The following MGAT4C variants were observed in gnomAD, a reference collection of about 807,000 sequenced individuals.
The protein encoded by MGAT4C is MGAT4 family member C, also known as alpha-1,3-mannosyl-glycoprotein 4-beta-N-acetylglucosaminyltransferase C.
MGAT4C carries 19 observed loss-of-function variants against 40.1 expected under a neutral mutation model. The observed-to-expected ratio is 0.47, with a 90% CI of 0.33 to 0.70. The LOEUF (loss-of-function observed/expected upper bound fraction) is 0.70. MGAT4C is among the 30% of genes least tolerant of loss of function. MGAT4C has a pLI of 0.02. For missense variants in MGAT4C, 491 were observed against 563.2 expected, an observed-to-expected ratio of 0.87 and a Z score of 1.30; for synonymous variants, 181 against 187.1, an observed-to-expected ratio of 0.97 and a Z score of 0.27.
At chr12:86,745,063 T>C (rs1951131647) in intron 1 of MGAT4C, 1 of 151,450 alleles carries the variant, frequency 6.6e-6, no homozygotes, top group Non-Finnish European at 1.5e-5. Flanking sequence ...GCTGGAGAAA[T>C]AGTAAGGCTG....
intron 2 of MGAT4C, among the ~76,000 whole-genome samples, chr12:86,487,838 T>C (rs1341214368): frequency 6.6e-6 from 1 of 152,092 alleles, no homozygotes; most frequent in Non-Finnish European, 1.5e-5. Flanking sequence ...ATGTTAAAAG[T>C]TTGTTTTTAC....
intron 2 of MGAT4C, among the ~76,000 whole-genome samples, chr12:86,564,193 T>C (rs979125494): frequency 1.3e-5 from 2 of 152,164 alleles, no homozygotes; most frequent in African/African-American, 4.8e-5. Context: ...ATAGTAAGCT[T>C]AACCAGGTAG....
chr12:86,603,617 TTATA>T (rs1334056569), intron 2 of MGAT4C, among the ~76,000 whole-genome samples: 39 of 124,752 alleles, frequency 3.1e-4, no homozygotes, highest in African/African-American at 1.1e-3. Context: ...ATAATATATA[TTATA>T]TAGTCTATAG....
chr12:86,396,125 T>C (rs1956257395), intron 3 of MGAT4C, among the ~76,000 whole-genome samples: 1 of 152,130 alleles, frequency 6.6e-6, no homozygotes, highest in Non-Finnish European at 1.5e-5. Context: ...AAAGTAAAAT[T>C]AAGAAGTTTA....
intron 3 of MGAT4C, among the ~76,000 whole-genome samples, chr12:86,388,141 T>C (rs988967870): frequency 1.3e-5 from 2 of 152,112 alleles, no homozygotes; most frequent in Non-Finnish European, 1.5e-5. Flanking sequence ...AAGACTATAA[T>C]GATAATATAT....
At chr12:86,630,426 C>T (rs915940520) in intron 2 of MGAT4C, among the ~76,000 whole-genome samples, 2 of 152,044 alleles carry the variant, frequency 1.3e-5, no homozygotes, top group African/African-American at 4.8e-5. Flanking sequence ...ACTGTGATAC[C>T]AAAGCCTGGC....
At chr12:86,206,132 T>C (rs1485293952) in intron 1 of MGAT4C, among the ~76,000 whole-genome samples, 1 of 152,124 alleles carries the variant, frequency 6.6e-6, no homozygotes, top group East Asian at 1.9e-4. Flanking sequence ...TGTGGCAGTA[T>C]TGAGAGATGG....
chr12:86,689,201 T>C (rs969903295), intron 2 of MGAT4C, among the ~76,000 whole-genome samples: 1 of 152,224 alleles, frequency 6.6e-6, no homozygotes, highest in South Asian at 2.1e-4. Context: ...TCAAGTCATT[T>C]ATATTCTTCT....
rs1038423353 is a variant in MGAT4C at position 85,972,192 on chromosome 12, A to G, written c.*7097T>C. 3 of 151,154 alleles carry G rather than the reference A, an allele frequency of 2.0e-5. No homozygotes were observed. Among genetic ancestry groups the G allele is most frequent in the Non-Finnish European group, 4.5e-5 (3 of 67,308 alleles). The allele number at this position is 151,154 out of a possible 1,614,324, so 9.4% of individuals were successfully genotyped here. ...GACTGATTACCAAATTATGGTGGGT[A>G]AAGATGCCACATGCAACAGAAAATG... On this transcript the variant is annotated 3_prime_UTR_variant, in exon 5 of 5. Transcript: ENST00000611864.
chr12:86,784,774 A>G (rs780531548), intron 1 of MGAT4C, among the ~76,000 whole-genome samples: 1 of 152,052 alleles, frequency 6.6e-6, no homozygotes, highest in African/African-American at 2.4e-5. Flanking sequence ...TTAGAAAAAG[A>G]AAAAGACATT....
intron 1 of MGAT4C, among the ~76,000 whole-genome samples, chr12:86,240,037 AAT>A (rs1555255363): frequency 6.1e-5 from 2 of 32,928 alleles, no homozygotes; most frequent in South Asian, 2.5e-3. Context: ...AAAAAAAAAA[AAT>A]AAAAAATAAA....
At position 86,583,482 on chromosome 12, in the gene MGAT4C, C is replaced by G. The variant is rs147670255; in HGVS notation, c.-229+143727G>C. On this transcript the variant is annotated intron_variant, in intron 2 of 7. Transcript: ENST00000548651. The stretch of plus-strand genomic sequence containing the variant: ...CCTCTCTATATTTCAGTGGCATTAT[C>G]TGCCAACAAATAACTGAACTCTATT... 3.0e-3 allele frequency among the ~76,000 whole-genome samples: 451 copies of G among 151,414 alleles called. 2 individuals carry two copies. The highest frequency in any genetic ancestry group is 0.01 in the African/African-American group (430 of 41,474).
chr12:86,656,195 C>G (rs969405367), intron 2 of MGAT4C, among the ~76,000 whole-genome samples: 1 of 151,416 alleles, frequency 6.6e-6, no homozygotes, highest in Admixed American at 6.6e-5. Context: ...TTGATCTTTC[C>G]GTGGTAAATC....
intron 1 of MGAT4C, among the ~76,000 whole-genome samples, chr12:86,078,092 G>A (rs1870117498): frequency 6.6e-6 from 1 of 152,172 alleles, no homozygotes; most frequent in African/African-American, 2.4e-5. Context: ...GTGATGGTGA[G>A]TGGTGCCACT....
intron 2 of MGAT4C, among the ~76,000 whole-genome samples, chr12:86,532,911 A>G (rs1959008346): frequency 6.6e-6 from 1 of 151,824 alleles, no homozygotes; most frequent in Non-Finnish European, 1.5e-5. Context: ...TAATAATAAA[A>G]CTCTGACAAT....
intron 1 of MGAT4C, among the ~76,000 whole-genome samples, chr12:86,236,842 C>G (rs550277356): frequency 6.6e-6 from 1 of 151,942 alleles, no homozygotes; most frequent in South Asian, 2.1e-4. Context: ...GACTAAAAAG[C>G]AGAGTTATCT....
intron 3 of MGAT4C, among the ~76,000 whole-genome samples, chr12:86,368,246 A>G (rs1459934163): frequency 6.6e-6 from 1 of 152,160 alleles, no homozygotes; most frequent in African/African-American, 2.4e-5. Context: ...ATTAATTGCT[A>G]TTCACAGAAA....
chr12:86,012,000 GT>G (rs1565856431), intron 2 of MGAT4C: 1 of 323,810 alleles, frequency 3.1e-6, no homozygotes, highest in Admixed American at 6.5e-5. Context: ...TTTTTTCTTT[GT>G]TTTGGAATAA....
At chr12:86,289,820 T>C (rs1953459413) in intron 4 of MGAT4C, among the ~76,000 whole-genome samples, 1 of 152,222 alleles carries the variant, frequency 6.6e-6, no homozygotes, top group Non-Finnish European at 1.5e-5. Context: ...AGGTTTTTAC[T>C]GTTGAGGAAA....
Sources: allele counts gnomAD v4.1 joint callset (sites outside exome capture counted in the v4.1 genomes callset), GRCh38; gene constraint gnomAD v4.1.1; transcripts MANE v1.5; gene names NCBI Gene and HGNC (gene_info 2026-07-23, HGNC 2026-07-21).